The following RFX4 variants were observed in gnomAD, a reference collection of about 807,000 sequenced individuals.
RFX4 encodes the protein transcription factor RFX4.
A neutral mutation model predicts 95.0 loss-of-function variants in RFX4; 10 were observed. The observed-to-expected ratio is 0.11, with a 90% CI of 0.06 to 0.18. RFX4 has a LOEUF of 0.18. Ranked by LOEUF, RFX4 falls within the 10% of genes least tolerant of loss-of-function variation. RFX4 has a pLI of 1.00. For synonymous variants in RFX4, 321 were observed against 340.7 expected (o/e 0.94, Z 0.64); for missense variants, 640 against 922.0 (o/e 0.69, Z 3.96).
intron 16 of RFX4, among the ~76,000 whole-genome samples, chr12:106,749,458 C>G (rs2136091033): frequency 6.6e-6 from 1 of 152,162 alleles, no homozygotes; most frequent in East Asian, 1.9e-4. Flanking sequence ...TGTTGGTGTA[C>G]TTTTCCATAG....
chr12:106,742,848 C>A (rs1333959286), intron 15 of RFX4, among the ~76,000 whole-genome samples: 1 of 152,190 alleles, frequency 6.6e-6, no homozygotes, highest in Non-Finnish European at 1.5e-5. Flanking sequence ...GTTGTCAAGA[C>A]TGAATGGGTC....
intron 1 of RFX4, among the ~76,000 whole-genome samples, chr12:106,599,493 T>C (rs1039957100): frequency 4.6e-5 from 7 of 151,850 alleles, no homozygotes; most frequent in African/African-American, 1.7e-4. Flanking sequence ...ATGATGATGA[T>C]GATGATGATG....
intron 2 of RFX4, among the ~76,000 whole-genome samples, chr12:106,630,556 G>C (rs1270729738): frequency 6.6e-6 from 1 of 152,192 alleles, no homozygotes; most frequent in East Asian, 1.9e-4. Context: ...GCAGGGGCTG[G>C]AAACGAGGCA....
Position 106,720,556 on chromosome 12 carries a change from T to C in RFX4, c.1234-203T>C. ...TGCCACCATTCCCAGCTAATTTTTG[T>C]ATTTTTTGTAGAGATGGGGTTTCTG... On this transcript the variant is annotated intron_variant, in intron 12 of 17. Coordinates refer to ENST00000392842, the MANE Select transcript of RFX4 (RefSeq NM_213594.3). The surrounding 1 kb of genome is among the most constrained non-coding windows in gnomAD (Gnocchi z 4.2). 6.6e-6 allele frequency among the ~76,000 whole-genome samples: 1 copy of C among 152,098 alleles called. No homozygotes were observed. Among genetic ancestry groups the C allele is most frequent in the East Asian group, 1.9e-4 (1 of 5,176 alleles).
chr12:106,742,550 TG>T lies in RFX4; in HGVS notation c.1634-4886del, dbSNP rs554268240. On this transcript the variant is annotated intron_variant, in intron 15 of 17. Coordinates refer to ENST00000392842, the MANE Select transcript of RFX4 (RefSeq NM_213594.3). Reference sequence around the variant, plus strand: ...CAGGAGGCAGTATGTTATAGAGCTTTGTTACTCAAAGTGTGGTTCACAGACC... The same window carrying T: ...CAGGAGGCAGTATGTTATAGAGCTTTTTACTCAAAGTGTGGTTCACAGACC... 4.2e-4 allele frequency among the ~76,000 whole-genome samples: 64 copies of T among 152,296 alleles called. No individual in the cohort carries two copies. The East Asian group carries it at 0.012, about 28-fold the overall frequency.
intron 15 of RFX4, among the ~76,000 whole-genome samples, chr12:106,736,630 G>C (rs1038966387): frequency 6.6e-6 from 1 of 152,140 alleles, no homozygotes; most frequent in Admixed American, 6.5e-5. Context: ...AGCAAGACAG[G>C]CTGGGAAATG....
intron 13 of RFX4, among the ~76,000 whole-genome samples, chr12:106,722,173 T>G (rs899706788): frequency 2.0e-5 from 3 of 152,258 alleles, no homozygotes; most frequent in Admixed American, 6.5e-5. Context: ...CCTCTAGCTC[T>G]GGAAAAATCA....
At chr12:106,708,720 C>T (rs1404858901) in intron 8 of RFX4, among the ~76,000 whole-genome samples, 4 of 152,340 alleles carry the variant, frequency 2.6e-5, no homozygotes, top group South Asian at 4.1e-4. Flanking sequence ...GGTGTCTTCT[C>T]AACTTCAAAT....
At position 106,695,409 on chromosome 12, in the gene RFX4, C is replaced by A. The variant is rs144762400; in HGVS notation, c.670-874C>A. 1.4e-3 allele frequency among the ~76,000 whole-genome samples: 217 copies of A among 152,288 alleles called. 4 individuals are homozygous for A. The East Asian group carries it at 0.037, about 26-fold the overall frequency. ...TTCCCTTACCTTTCCCACCACTTCA[C>A]CCCCTATTCTACTCAACTTCTAATC... On this transcript the variant is annotated intron_variant, in intron 7 of 17. Transcript: ENST00000392842.
intron 5 of RFX4, chr12:106,684,928 G>C: frequency 6.2e-7 from 1 of 1,613,504 alleles, no homozygotes; most frequent in Non-Finnish European, 8.5e-7. Flanking sequence ...GTAAAGGAGG[G>C]TTGGGGAGAG....
chr12:106,740,958 A>G (rs569080163), intron 15 of RFX4, among the ~76,000 whole-genome samples: 43 of 152,324 alleles, frequency 2.8e-4, no homozygotes, highest in African/African-American at 9.9e-4. Context: ...AGAGCTTGGC[A>G]TAGTGGGAAC....
intron 8 of RFX4, among the ~76,000 whole-genome samples, chr12:106,699,480 T>C (rs915840844): frequency 6.6e-6 from 1 of 152,172 alleles, no homozygotes; most frequent in African/African-American, 2.4e-5. Context: ...ATTTGTTCTA[T>C]TGATTAGCAA....
chr12:106,614,838 G>A (rs1702414512), intron 2 of RFX4, among the ~76,000 whole-genome samples: 1 of 152,050 alleles, frequency 6.6e-6, no homozygotes, highest in Admixed American at 6.6e-5. Context: ...TTATGTTGTT[G>A]GTTTTCTCCT....
At position 106,589,091 on chromosome 12, in the gene RFX4, G is replaced by A. The variant is rs577158504; in HGVS notation, c.43+5728G>A. The stretch of plus-strand genomic sequence containing the variant: ...CCATAAGGCTCTGCAGGATGGAGAC[G>A]GTGGGAGAAACCCCCAATGTTGTTT... On this transcript the variant is annotated intron_variant, in intron 1 of 17. Coordinates refer to ENST00000392842, the MANE Select transcript of RFX4 (RefSeq NM_213594.3). Among the ~76,000 whole-genome samples, 25 of 152,174 alleles carry A rather than the reference G, an allele frequency of 1.6e-4. 1 individual carries two copies. The highest frequency in any genetic ancestry group is 6.2e-4 in the South Asian group (3 of 4,806).
intron 2 of RFX4, among the ~76,000 whole-genome samples, chr12:106,622,734 C>A (rs954915498): frequency 3.3e-5 from 5 of 151,804 alleles, no homozygotes; most frequent in Non-Finnish European, 7.4e-5. Flanking sequence ...AGTTCTCCTG[C>A]CTCAGCCTCC....
chr12:106,595,976 A>C (rs993265214), intron 1 of RFX4, among the ~76,000 whole-genome samples: 25 of 152,352 alleles, frequency 1.6e-4, no homozygotes, highest in Admixed American at 1.4e-3. Flanking sequence ...GAACCAGCAC[A>C]GGTCTTGGCA....
At chr12:106,649,785 C>T (rs1373470336) in intron 3 of RFX4, among the ~76,000 whole-genome samples, 1 of 152,148 alleles carries the variant, frequency 6.6e-6, no homozygotes, top group Non-Finnish European at 1.5e-5. Context: ...CTGTCCTCTC[C>T]TTCTGCATTT....
chr12:106,696,357 G>T lies in RFX4; in HGVS notation c.744G>T (p.Val248=), dbSNP rs2041879656. The change falls in exon 8 of 18, where the codon GTG becomes GTT. Residue 248 remains valine, a synonymous_variant. Transcript: ENST00000392842. The part of the protein sequence containing the change: ...HMLPVLGSST[V]VNIVGVCDSI... ...TGCCTGTGCTGGGCTCCTCCACGGT[G>T]GTGAACATTGTCGGCGTGTGTGACT... The T allele has an allele frequency of 1.2e-6, 2 of 1,614,058 alleles. No homozygotes were observed. Among genetic ancestry groups the T allele is most frequent in the Non-Finnish European group, 1.7e-6 (2 of 1,180,032 alleles).
chr12:106,705,056 A>G (rs986066405), intron 8 of RFX4, among the ~76,000 whole-genome samples: 1 of 152,080 alleles, frequency 6.6e-6, no homozygotes, highest in African/African-American at 2.4e-5. Context: ...CCTGGGCTTT[A>G]CTCCTGGCTC....
Sources: gnomAD v4.1 joint callset for allele counts (sites outside exome capture counted in the v4.1 genomes callset) on GRCh38, gnomAD v4.1.1 for gene constraint, Gnocchi (gnomAD v3.1) non-coding constraint, MANE v1.5 for transcripts, NCBI Gene and HGNC (gene_info 2026-07-23, HGNC 2026-07-21) for gene names.